PDE4B: variants seen among roughly 807,000 people sequenced by gnomAD.
PDE4B encodes the protein 3',5'-cyclic-AMP phosphodiesterase 4B.
PDE4B carries 20 observed loss-of-function variants against 82.2 expected under a neutral mutation model. The ratio of observed to expected loss-of-function variants is 0.24; its 90% CI spans 0.17 to 0.35. The LOEUF (loss-of-function observed/expected upper bound fraction) is 0.35. PDE4B is among the 10% of genes least tolerant of loss of function. The pLI is 1.00. For synonymous variants in PDE4B, 320 were observed against 318.9 expected, an observed-to-expected ratio of 1.00 and a Z score of -0.04; for missense variants, 655 against 907.2, an observed-to-expected ratio of 0.72 and a Z score of 3.57.
chr1:66,147,498 G>A (rs1487093732), intron 3 of PDE4B, among the ~76,000 whole-genome samples: 2 of 152,164 alleles, frequency 1.3e-5, no homozygotes, highest in Non-Finnish European at 2.9e-5. Flanking sequence ...CACACTCACA[G>A]TTTCCTCTTA....
intron 1 of PDE4B, among the ~76,000 whole-genome samples, chr1:65,831,849 A>G (rs1316928449): frequency 6.6e-6 from 1 of 152,194 alleles, no homozygotes; most frequent in Non-Finnish European, 1.5e-5. Flanking sequence ...ATGAAAGCAA[A>G]AATGTCTTCA....
intron 3 of PDE4B, among the ~76,000 whole-genome samples, chr1:66,128,023 A>C (rs1449998846): frequency 1.3e-5 from 2 of 152,166 alleles, no homozygotes; most frequent in Non-Finnish European, 2.9e-5. Flanking sequence ...AAATGTTTAT[A>C]TGTTTGACCT....
chr1:66,166,005 A>G (rs1646724081), intron 3 of PDE4B, among the ~76,000 whole-genome samples: 2 of 152,184 alleles, frequency 1.3e-5, no homozygotes, highest in South Asian at 2.1e-4. Context: ...AAAATTTACT[A>G]AAATGGTAGT....
chr1:65,797,878 T>C (rs946994445), intron 1 of PDE4B, among the ~76,000 whole-genome samples: 19 of 152,302 alleles, frequency 1.2e-4, no homozygotes, highest in African/African-American at 4.1e-4. Flanking sequence ...AGACATCCAC[T>C]GCTCTATTGC....
At chr1:65,881,837 G>T (rs1003123564) in intron 1 of PDE4B, among the ~76,000 whole-genome samples, 2 of 152,080 alleles carry the variant, frequency 1.3e-5, no homozygotes, top group African/African-American at 4.8e-5. Flanking sequence ...TGTTAAAGTT[G>T]GTATGGCACA....
intron 1 of PDE4B, among the ~76,000 whole-genome samples, chr1:65,823,152 C>T (rs1645973823): frequency 6.6e-6 from 1 of 151,970 alleles, no homozygotes; most frequent in African/African-American, 2.4e-5. Context: ...AGTCCCAGCA[C>T]TTTGGGAGGC....
chr1:65,963,140 A>G (rs546775500), intron 3 of PDE4B, among the ~76,000 whole-genome samples: 4 of 152,266 alleles, frequency 2.6e-5, no homozygotes, highest in Admixed American at 6.5e-5. Flanking sequence ...CACTGGATGC[A>G]TACTGCCTTA....
intron 3 of PDE4B, among the ~76,000 whole-genome samples, chr1:66,082,641 A>ATATAT (rs1656800709): frequency 1.4e-5 from 2 of 147,836 alleles, no homozygotes; most frequent in African/African-American, 2.5e-5. Context: ...GGATTGAAAT[A>ATATAT]ATATATATAT....
intron 3 of PDE4B, among the ~76,000 whole-genome samples, chr1:66,179,130 C>T (rs1321512313): frequency 2.0e-5 from 3 of 152,118 alleles, no homozygotes; most frequent in African/African-American, 4.8e-5. Flanking sequence ...GGATTACAGG[C>T]GTGAGCCACC....
intron 1 of PDE4B, among the ~76,000 whole-genome samples, chr1:65,800,390 G>A (rs1304304888): frequency 6.6e-6 from 1 of 152,178 alleles, no homozygotes; most frequent in Non-Finnish European, 1.5e-5. Flanking sequence ...ACAGAATGAG[G>A]CAGTTTTTTT....
intron 8 of PDE4B, among the ~76,000 whole-genome samples, chr1:66,337,594 C>A (rs189032141): frequency 6.6e-6 from 1 of 152,330 alleles, no homozygotes; most frequent in Admixed American, 6.5e-5. Flanking sequence ...AGAGGAGGGC[C>A]AACCCATATC....
chr1:66,298,753 G>A (rs555614680), intron 7 of PDE4B, among the ~76,000 whole-genome samples: 1 of 151,990 alleles, frequency 6.6e-6, no homozygotes, highest in Non-Finnish European at 1.5e-5. Context: ...ATTGTGGAGA[G>A]GTTCCATACA....
At chr1:65,814,582 C>T (rs1557760215) in intron 1 of PDE4B, among the ~76,000 whole-genome samples, 2 of 152,166 alleles carry the variant, frequency 1.3e-5, no homozygotes, top group Admixed American at 6.6e-5. Context: ...TCGAAAGTTT[C>T]CTGGTGCCTC....
intron 3 of PDE4B, among the ~76,000 whole-genome samples, chr1:66,141,857 T>C (rs975499710): frequency 6.6e-6 from 1 of 151,636 alleles, no homozygotes; most frequent in Non-Finnish European, 1.5e-5. Context: ...AGCAAGGGAG[T>C]AGAAACATAG....
intron 3 of PDE4B, among the ~76,000 whole-genome samples, chr1:66,161,366 C>G (rs925888024): frequency 6.6e-6 from 1 of 151,864 alleles, no homozygotes; most frequent in Non-Finnish European, 1.5e-5. Context: ...GAAATTGTCC[C>G]CTTTGTCAGC....
chr1:66,303,331 TTA>T (rs1188154354), intron 7 of PDE4B, among the ~76,000 whole-genome samples: 228 of 134,596 alleles, frequency 1.7e-3, no homozygotes, highest in Non-Finnish European at 2.7e-3. Flanking sequence ...AGCATGATGT[TTA>T]TATATATATG....
intron 7 of PDE4B, among the ~76,000 whole-genome samples, chr1:66,316,502 C>T (rs1485531598): frequency 6.6e-6 from 1 of 152,156 alleles, no homozygotes; most frequent in Non-Finnish European, 1.5e-5. Context: ...GTGAAGCTGG[C>T]AACAAGAGGC....
intron 3 of PDE4B, among the ~76,000 whole-genome samples, chr1:66,192,326 G>A (rs1364280232): frequency 6.6e-6 from 1 of 151,902 alleles, no homozygotes; most frequent in African/African-American, 2.4e-5. Context: ...AAACCATTTG[G>A]TAATCATAAT....
intron 3 of PDE4B, among the ~76,000 whole-genome samples, chr1:66,232,175 A>C (rs1652005497): frequency 6.6e-6 from 1 of 152,238 alleles, no homozygotes. Context: ...GAAACTCCTC[A>C]GATGCAAGAT....
Sources: allele counts gnomAD v4.1 joint callset (sites outside exome capture counted in the v4.1 genomes callset), GRCh38; gene constraint gnomAD v4.1.1; transcripts MANE v1.5; gene names NCBI Gene and HGNC (gene_info 2026-07-23, HGNC 2026-07-21).